The following ELF1 variants were observed in gnomAD, a reference collection of about 807,000 sequenced individuals.
ELF1 encodes E74 like ETS transcription factor 1.
Under a neutral mutation model 59.9 loss-of-function variants are expected in ELF1, and 24 were observed. That is an observed-to-expected ratio of 0.40 (90% CI 0.29 to 0.56). The LOEUF (loss-of-function observed/expected upper bound fraction) is 0.56. ELF1 is among the 20% of genes least tolerant of loss of function. The pLI is 0.44. For missense variants in ELF1, 627 were observed against 742.2 expected (o/e 0.84, Z 1.80); for synonymous variants, 248 against 266.2 (o/e 0.93, Z 0.67).
At chr13:40,993,150 T>C (rs1217726223) in intron 1 of ELF1, 1 of 1,532,292 alleles carries the variant, frequency 6.5e-7, no homozygotes, top group Non-Finnish European at 9.0e-7. Flanking sequence ...CTGGATACTC[T>C]CCATTTTTGT....
At chr13:41,047,397 A>G (rs1265814855) in intron 1 of ELF1, among the ~76,000 whole-genome samples, 1 of 151,912 alleles carries the variant, frequency 6.6e-6, no homozygotes, top group Non-Finnish European at 1.5e-5. Flanking sequence ...TTTTTTCCCC[A>G]TCTTTGTGGT....
intron 1 of ELF1, among the ~76,000 whole-genome samples, chr13:41,000,978 C>CTT (rs71797488): frequency 1.7e-4 from 24 of 144,170 alleles, no homozygotes; most frequent in African/African-American, 2.3e-4. Context: ...AGGAAAAACA[C>CTT]TTTTTTTTTT....
In ELF1 at chr13:41,060,920, C is replaced by CGCCGCT. The variant is rs1283322276; in HGVS notation, c.-312_-311insAGCGGC. The CGCCGCT allele has an allele frequency of 1.2e-3, 56 of 45,198 alleles. 4 individuals carry two copies. The South Asian group carries it at 0.026, about 21-fold the overall frequency. 2.8% of individuals were successfully genotyped at this position (45,198 alleles called of 1,614,324 possible). A position where few individuals can be genotyped will look rare whatever the true frequency, so the allele number is the denominator to read the frequency against. ...GCGCTACTGAAGCTGCTGCTGCCGCCGCCGCCGCCGCCGCCGCCGCCGCCG... is the reference window on the plus strand; with the variant it reads ...GCGCTACTGAAGCTGCTGCTGCCGCCGCCGCTGCCGCCGCCGCCGCCGCCGCCGCCG... On this transcript the variant is annotated 5_prime_UTR_variant, in exon 1 of 2. Transcript: ENST00000405737.
At chr13:41,035,906 T>TG (rs200020184) in intron 1 of ELF1, among the ~76,000 whole-genome samples, 1 of 69,562 alleles carries the variant, frequency 1.4e-5, no homozygotes, top group Non-Finnish European at 4.7e-5. Flanking sequence ...TCTTTTTTTC[T>TG]TTTTTTTTTT....
chr13:40,937,175 G>A (rs1295110860), intron 8 of ELF1, among the ~76,000 whole-genome samples: 1 of 152,126 alleles, frequency 6.6e-6, no homozygotes, highest in Non-Finnish European at 1.5e-5. Flanking sequence ...GTTGCGTCTG[G>A]TTGTATTATG....
chr13:41,042,824 T>A (rs1346604015), intron 1 of ELF1, among the ~76,000 whole-genome samples: 20 of 152,162 alleles, frequency 1.3e-4, no homozygotes, highest in Non-Finnish European at 2.9e-4. Context: ...AAATATACCC[T>A]GTAATGGGAT....
At chr13:40,954,802 C>A (rs1279240897) in intron 3 of ELF1, among the ~76,000 whole-genome samples, 2 of 149,248 alleles carry the variant, frequency 1.3e-5, no homozygotes, top group Non-Finnish European at 3.0e-5. Flanking sequence ...TCGCTACAAC[C>A]TCCACTTCCC....
chr13:40,981,309 T>C (rs1281897711), intron 2 of ELF1, among the ~76,000 whole-genome samples: 1 of 152,048 alleles, frequency 6.6e-6, no homozygotes, highest in Non-Finnish European at 1.5e-5. Flanking sequence ...CCCAAGAAAC[T>C]CTAGCCTCGT....
chr13:40,951,278 G>T, intron 4 of ELF1, 51 bp downstream of exon 4: 1 of 1,372,724 alleles, frequency 7.3e-7, no homozygotes, highest in Non-Finnish European at 1.0e-6. Flanking sequence ...AAGAAAGATG[G>T]CAAGAGTAAC....
intron 5 of ELF1, among the ~76,000 whole-genome samples, chr13:40,949,288 A>G (rs1870697321): frequency 6.6e-6 from 1 of 151,858 alleles, no homozygotes; most frequent in Admixed American, 6.6e-5. Context: ...ACCTGGCCCA[A>G]TACTTTAATT....
chr13:41,046,552 T>C (rs984934381), intron 1 of ELF1, among the ~76,000 whole-genome samples: 6 of 152,226 alleles, frequency 3.9e-5, no homozygotes, highest in Admixed American at 2.6e-4. Context: ...GAAGCTTAGT[T>C]TGGCTGGATA....
intron 1 of ELF1, among the ~76,000 whole-genome samples, chr13:40,989,939 C>T (rs533479402): frequency 6.6e-6 from 1 of 152,224 alleles, no homozygotes; most frequent in South Asian, 2.1e-4. Context: ...TGCAAAATAA[C>T]CAAGTGTGGT....
chr13:41,042,771 A>C (rs907285518), intron 1 of ELF1, among the ~76,000 whole-genome samples: 5 of 152,190 alleles, frequency 3.3e-5, no homozygotes, highest in African/African-American at 1.2e-4. Context: ...ATAAACATAC[A>C]TGTGCATGTG....
chr13:40,959,033 A>G lies in ELF1; in HGVS notation c.73-17T>C. The G allele has an allele frequency of 6.3e-7, 1 of 1,576,322 alleles. No homozygotes were observed. Among genetic ancestry groups the G allele is most frequent in the Admixed American group, 1.9e-5 (1 of 51,380 alleles). On this transcript the variant is annotated splice_polypyrimidine_tract_variant and intron_variant, in intron 2 of 8. Coordinates refer to ENST00000239882, the MANE Select transcript of ELF1 (RefSeq NM_172373.4). Reference sequence around the variant, plus strand: ...ATCACCAAGCTGGGAAGGGTTAGGGAGAGGAAAATGAAAACAAAGGATTAA... The same window carrying G: ...ATCACCAAGCTGGGAAGGGTTAGGGGGAGGAAAATGAAAACAAAGGATTAA...
intron 5 of ELF1, among the ~76,000 whole-genome samples, chr13:40,949,377 A>G (rs1870705365): frequency 6.6e-6 from 1 of 151,752 alleles, no homozygotes; most frequent in Non-Finnish European, 1.5e-5. Context: ...TATTTCTTAG[A>G]GATAGGGTCT....
intron 1 of ELF1, among the ~76,000 whole-genome samples, chr13:41,041,283 AT>A (rs1352454481): frequency 6.7e-6 from 1 of 149,566 alleles, no homozygotes; most frequent in Non-Finnish European, 1.5e-5. Flanking sequence ...AAAAAAACCT[AT>A]TACACCATCC....
intron 1 of ELF1, among the ~76,000 whole-genome samples, chr13:41,001,490 C>G (rs1874442413): frequency 6.6e-6 from 1 of 152,032 alleles, no homozygotes; most frequent in Admixed American, 6.6e-5. Flanking sequence ...TAGCAAATAA[C>G]AAAGCTGGAA....
chr13:41,060,470 G>A (rs1877493372), intron 1 of ELF1, among the ~76,000 whole-genome samples: 2 of 152,064 alleles, frequency 1.3e-5, no homozygotes, highest in Non-Finnish European at 2.9e-5. Context: ...GCAGCCCAGG[G>A]GAAAGTGAAA....
intron 1 of ELF1, among the ~76,000 whole-genome samples, chr13:40,995,042 A>C (rs1248905209): frequency 6.6e-6 from 1 of 152,208 alleles, no homozygotes; most frequent in African/African-American, 2.4e-5. Context: ...CCCACACAGC[A>C]TAACTCTCTT....
Sources: gnomAD v4.1 joint callset for allele counts (sites outside exome capture counted in the v4.1 genomes callset) on GRCh38, gnomAD v4.1.1 for gene constraint, MANE v1.5 for transcripts, NCBI Gene and HGNC (gene_info 2026-07-23, HGNC 2026-07-21) for gene names.